The following MAP4 variants were observed in gnomAD, a reference collection of about 807,000 sequenced individuals.
MAP4 encodes microtubule associated protein 4.
MAP4 carries 76 observed loss-of-function variants against 170.2 expected under a neutral mutation model. That is an observed-to-expected ratio of 0.45 (90% CI 0.37 to 0.54). The LOEUF is 0.54. MAP4 is among the 20% of genes least tolerant of loss of function. The probability of loss-of-function intolerance (pLI) is 0.00; values close to 1 mark genes in which losing one functional copy is unlikely to be tolerated. For synonymous variants in MAP4, 909 were observed against 994.5 expected, an observed-to-expected ratio of 0.91 and a Z score of 1.62; for missense variants, 2,506 against 2,748.0, an observed-to-expected ratio of 0.91 and a Z score of 1.97.
intron 3 of MAP4, among the ~76,000 whole-genome samples, chr3:47,946,654 C>CAAAAAAAAAAA: frequency 2.4e-5 from 1 of 40,820 alleles, no homozygotes; most frequent in South Asian, 1.4e-3. Flanking sequence ...AACTCCGTCT[C>CAAAAAAAAAAA]AAAAAAAAAA....
At chr3:48,085,795 G>C (rs973641724) in intron 1 of MAP4, among the ~76,000 whole-genome samples, 2 of 152,182 alleles carry the variant, frequency 1.3e-5, no homozygotes, top group African/African-American at 2.4e-5. Flanking sequence ...GGTGGCTCAC[G>C]CCTGTAATCC....
chr3:47,988,113 G>A (rs2100089930), intron 2 of MAP4, among the ~76,000 whole-genome samples: 1 of 151,516 alleles, frequency 6.6e-6, no homozygotes. Flanking sequence ...AGAATGGCGT[G>A]AACCCGGGAG....
Position 47,869,196 on chromosome 3 carries a change from G to A in MAP4, c.6408+18C>T. On this transcript the variant is annotated intron_variant, in intron 16 of 20. Coordinates refer to ENST00000683076, the MANE Select transcript of MAP4 (RefSeq NM_001385682.1). Reference sequence around the variant, plus strand: ...TTACCATCTTCACCTTGCAGAGGTGGGTCTAAATAAAACTCACTTTCCCCG... The same window carrying A: ...TTACCATCTTCACCTTGCAGAGGTGAGTCTAAATAAAACTCACTTTCCCCG... 1 of 1,561,726 alleles carries A rather than the reference G, an allele frequency of 6.4e-7. No individual in the cohort carries two copies. Among genetic ancestry groups the A allele is most frequent in the Middle Eastern group, 1.7e-4 (1 of 5,958 alleles).
chr3:47,919,914 G>A (rs990722307), intron 5 of MAP4, among the ~76,000 whole-genome samples: 1 of 123,138 alleles, frequency 8.1e-6, no homozygotes, highest in African/African-American at 3.7e-5. Flanking sequence ...CTTTGTAGCA[G>A]TTTTGTTGTT....
At chr3:47,977,718 C>T (rs2100082986) in intron 3 of MAP4, 147 bp downstream of exon 3, 1 of 559,514 alleles carries the variant, frequency 1.8e-6, no homozygotes, top group Non-Finnish European at 3.3e-6. Context: ...TGGCAATGTC[C>T]TGGGTTTAAA....
chr3:47,896,143 C>T (rs1311966317), intron 10 of MAP4, among the ~76,000 whole-genome samples: 3 of 151,988 alleles, frequency 2.0e-5, no homozygotes, highest in Non-Finnish European at 4.4e-5. Flanking sequence ...AACACATAGC[C>T]GTGAGGATTG....
intron 1 of MAP4, among the ~76,000 whole-genome samples, chr3:48,075,930 A>T (rs2100143637): frequency 6.7e-6 from 1 of 148,720 alleles, no homozygotes; most frequent in African/African-American, 2.5e-5. Context: ...AGCCGAGATC[A>T]CGTCATTGCA....
chr3:47,911,524 G>C lies in MAP4; in HGVS notation c.2897C>G (p.Ala966Gly). 6.5e-7 allele frequency: 1 copy of C among 1,535,858 alleles called. No individual in the cohort carries two copies. Among genetic ancestry groups the C allele is most frequent in the Non-Finnish European group, 8.7e-7 (1 of 1,146,832 alleles). Residue 966 changes from alanine to glycine, a missense_variant, in exon 9 of 21, where the codon GCA (alanine) becomes GGA (glycine). By Grantham distance (60) the Ala-to-Gly change is moderately conservative. This residue lies in a region of MAP4 where 2,008 missense variants were observed against 2,206.0 expected (regional missense o/e 0.91). Coordinates refer to ENST00000683076, the MANE Select transcript of MAP4 (RefSeq NM_001385682.1). This position sits in a 1 kb window ranked among gnomAD's most constrained non-coding sequence, Gnocchi z 4.0. ...GGGTACCAAATTTGGTATTTCTTTT[G>C]CTGCTGTGGGTTTTGAAACTACACC... ...VMGVVSKPTA[A>G]KEIPNLVPTL...
intron 4 of MAP4, among the ~76,000 whole-genome samples, chr3:47,925,918 G>T (rs549455042): frequency 2.0e-5 from 3 of 152,084 alleles, no homozygotes; most frequent in African/African-American, 7.2e-5. Context: ...ACAATGGCAC[G>T]ATCTTGGCTC....
chr3:47,918,486 AT>A (rs2100040958), intron 6 of MAP4, among the ~76,000 whole-genome samples: 2 of 148,176 alleles, frequency 1.3e-5, no homozygotes, highest in African/African-American at 2.7e-5. Context: ...GATGAAAAAA[AT>A]ATATATATGT....
chr3:48,014,184 T>A (rs944905720), intron 1 of MAP4, among the ~76,000 whole-genome samples: 4 of 152,174 alleles, frequency 2.6e-5, no homozygotes, highest in African/African-American at 7.2e-5. Flanking sequence ...CTAAAAATAT[T>A]TTACAGGTCT....
At position 47,909,926 on chromosome 3, in the gene MAP4, C is replaced by T; in HGVS notation, c.4495G>A (p.Val1499Ile). The T allele has an allele frequency of 6.2e-7, 1 of 1,613,992 alleles. No homozygotes were observed. Among genetic ancestry groups the T allele is most frequent in the Non-Finnish European group, 8.5e-7 (1 of 1,179,866 alleles). ...GQERPKGPSAVVPSTSTGGVA... is the reference protein window; with the variant it reads ...GQERPKGPSAIVPSTSTGGVA... ...CCTCCTGTGCTTGTAGAGGGCACAA[C>T]AGCAGAGGGACCCTTGGGTCTTTCT... Residue 1499 changes from valine to isoleucine, a missense_variant, in exon 9 of 21, where the codon GTT (valine) becomes ATT (isoleucine). This residue lies in a region of MAP4 where 2,008 missense variants were observed against 2,206.0 expected (regional missense o/e 0.91). Transcript: ENST00000683076.
At chr3:47,908,934 A>C in intron 9 of MAP4, 104 bp downstream of exon 9, 2 of 1,203,892 alleles carry the variant, frequency 1.7e-6, no homozygotes, top group South Asian at 3.1e-5. Context: ...AATGATTAAC[A>C]AGGATGATTA....
chr3:47,879,430 CTT>C (rs1436930916), intron 10 of MAP4, among the ~76,000 whole-genome samples: 2 of 152,136 alleles, frequency 1.3e-5, no homozygotes, highest in African/African-American at 2.4e-5. Flanking sequence ...AGGCTTAAAA[CTT>C]TGAGAAATAA....
chr3:47,945,438 T>C (rs2100059177), intron 3 of MAP4, among the ~76,000 whole-genome samples: 1 of 152,052 alleles, frequency 6.6e-6, no homozygotes, highest in Admixed American at 6.5e-5. Context: ...CCATTCTCTG[T>C]TTAGTCCTTT....
upstream of MAP4, among the ~76,000 whole-genome samples, chr3:48,017,358 C>A (rs1322275543): frequency 1.3e-5 from 2 of 152,160 alleles, no homozygotes; most frequent in Admixed American, 1.3e-4. Flanking sequence ...TACCTACCTA[C>A]TACTTATACC....
chr3:47,957,334 AT>A (rs563161992), intron 3 of MAP4, among the ~76,000 whole-genome samples: 13 of 151,734 alleles, frequency 8.6e-5, no homozygotes, highest in South Asian at 2.1e-4. Context: ...TGCCCGGCTA[AT>A]TTTTTTTGAA....
chr3:47,861,224 G>C (rs1265026573), intron 17 of MAP4, among the ~76,000 whole-genome samples: 1 of 152,144 alleles, frequency 6.6e-6, no homozygotes, highest in Non-Finnish European at 1.5e-5. Flanking sequence ...AGCTGGGTGT[G>C]GTGGTGGGCA....
intron 3 of MAP4, among the ~76,000 whole-genome samples, chr3:47,969,608 A>C (rs1278948884): frequency 6.6e-6 from 1 of 152,120 alleles, no homozygotes; most frequent in African/African-American, 2.4e-5. Context: ...TGTTAAGTTC[A>C]CTATTTATTC....
Sources: allele counts gnomAD v4.1 joint callset (sites outside exome capture counted in the v4.1 genomes callset), GRCh38; gene constraint gnomAD v4.1.1; regional missense constraint gnomAD v4.1.1; non-coding constraint Gnocchi (gnomAD v3.1); transcripts MANE v1.5; gene names NCBI Gene and HGNC (gene_info 2026-07-23, HGNC 2026-07-21).